The following ZNF711 variants were observed in gnomAD, a reference collection of about 807,000 sequenced individuals.
The protein encoded by ZNF711 is ZFX family zinc finger ZNF711.
ZNF711 carries 3 observed loss-of-function variants against 43.5 expected under a neutral mutation model. The observed-to-expected ratio is 0.07, with a 90% CI of 0.03 to 0.18. The LOEUF is 0.18. Among genes scored for constraint, ZNF711 ranks in the 10% least tolerant of loss-of-function variants. ZNF711 has a pLI of 1.00. For missense variants in ZNF711, 412 were observed against 604.0 expected, an observed-to-expected ratio of 0.68 and a Z score of 3.33; for synonymous variants, 209 against 207.7, an observed-to-expected ratio of 1.01 and a Z score of -0.06.
intron 4 of ZNF711, among the ~76,000 whole-genome samples, chrX:85,254,319 A>C (rs1337740471): frequency 1.0e-5 from 1 of 95,304 alleles, no homozygotes; most frequent in African/African-American, 4.5e-5. Context: ...AATACAAAAA[A>C]TTAGGCCGGG....
chrX:85,249,249 G>A (rs1466097082), intron 4 of ZNF711, among the ~76,000 whole-genome samples: 2 of 112,012 alleles, frequency 1.8e-5, no homozygotes, highest in Non-Finnish European at 3.8e-5. Context: ...GAATTCTTTA[G>A]TAGAGAGTTG....
intron 5 of ZNF711, among the ~76,000 whole-genome samples, chrX:85,259,066 C>T (rs1930412560): frequency 9.0e-6 from 1 of 110,897 alleles, no homozygotes; most frequent in African/African-American, 3.3e-5. Flanking sequence ...TTTGGTCCAT[C>T]TTGGCTAAAT....
At chrX:85,259,456 A>T (rs895104800) in intron 5 of ZNF711, among the ~76,000 whole-genome samples, 1 of 111,473 alleles carries the variant, frequency 9.0e-6, no homozygotes, top group African/African-American at 3.2e-5. Flanking sequence ...GTTTGATAGG[A>T]ATAGCATTGA....
At chrX:85,249,549 T>A (rs1929362428) in intron 4 of ZNF711, among the ~76,000 whole-genome samples, 1 of 111,768 alleles carries the variant, frequency 8.9e-6, no homozygotes, top group African/African-American at 3.2e-5. Flanking sequence ...ATGTTCCTTT[T>A]AACCTTCCTT....
Position 85,271,232 on chromosome X carries a change from T to G in ZNF711, c.1828T>G (p.Cys610Gly). The G allele has an allele frequency of 8.3e-7, 1 of 1,209,392 alleles. No individual in the cohort carries two copies. The highest frequency in any genetic ancestry group is 1.1e-6 in the Non-Finnish European group (1 of 894,392). ...SKHGNNLPYK[C>G]EHCPQAFGDE... is the part of the protein sequence containing the mutation. The stretch of plus-strand genomic sequence containing the variant: ...ACATGGTAACAATTTGCCATATAAA[T>G]GTGAGCATTGTCCCCAAGCATTTGG... Residue 610 changes from cysteine (C) to glycine (G), a missense_variant, in exon 11 of 11, where the codon TGT (cysteine) becomes GGT (glycine). By Grantham distance (159) the Cys-to-Gly change is radical. Coordinates refer to ENST00000674551, the MANE Select transcript of ZNF711 (RefSeq NM_001330574.2).
At position 85,270,986 on chromosome X, in the gene ZNF711, G is replaced by A; in HGVS notation, c.1582G>A (p.Asp528Asn). 1.2e-5 allele frequency: 14 copies of A among 1,211,042 alleles called. No individual in the cohort carries two copies. The highest frequency in any genetic ancestry group is 1.5e-5 in the Non-Finnish European group (13 of 895,168). Residue 528 changes from aspartate (D) to asparagine (N), a missense_variant, in exon 11 of 11, where the codon GAC (aspartate) becomes AAC (asparagine). Physicochemically the swap from Asp to Asn is conservative, Grantham distance 23 (BLOSUM62 1). Transcript: ENST00000674551. ...EPKMHKCKYC[D>N]YETAEQGLLN... is the part of the protein sequence containing the mutation. ...GAAGATGCACAAGTGCAAATACTGTGACTATGAAACTGCAGAACAAGGACT... is the reference window on the plus strand; with the variant it reads ...GAAGATGCACAAGTGCAAATACTGTAACTATGAAACTGCAGAACAAGGACT...
At chrX:85,264,169 G>A (rs1194486124) in intron 5 of ZNF711, 106 bp from the exon 6 acceptor site, 6 of 609,851 alleles carry the variant, frequency 9.8e-6, no homozygotes, top group South Asian at 2.6e-5. Flanking sequence ...ATTATTTCAC[G>A]TTACACTTCA....
Position 85,270,890 on chromosome X carries a change from G to A in ZNF711, c.1486G>A (p.Glu496Lys), listed in dbSNP as rs1205941493. The change falls in exon 11 of 11, where the codon GAA becomes AAA. Residue 496 changes from glutamate to lysine, a missense_variant. Glu to Lys is a moderately conservative substitution (Grantham distance 56). This residue lies in a region of ZNF711 where 375 missense variants were observed against 514.2 expected (regional missense o/e 0.73). Coordinates refer to ENST00000674551, the MANE Select transcript of ZNF711 (RefSeq NM_001330574.2). ...NKVDKTHEFT[E>K]YTRRYREASP... ...AGTCGACAAAACCCATGAATTTACA[G>A]AATACACACGAAGATACAGAGAGGC... The A allele has an allele frequency of 8.3e-7, 1 of 1,209,704 alleles. No individual in the cohort carries two copies. The highest frequency in any genetic ancestry group is 1.8e-5 in the South Asian group (1 of 56,739).
In ZNF711 at chrX:85,244,078, C is replaced by T; in HGVS notation, c.-519C>T. The T allele has an allele frequency of 7.0e-6, 1 of 143,009 alleles. No homozygotes were observed. Among genetic ancestry groups the T allele is most frequent in the Non-Finnish European group, 1.3e-5 (1 of 74,538 alleles). The allele number at this position is 143,009 out of a possible 1,213,427, so 11.8% of individuals were successfully genotyped here. ...CTTAAGGGATCCACAGCTGCCGCCC[C>T]CCGCAGCCATCCAGAGCGCGGTCAC... On this transcript the variant is annotated 5_prime_UTR_variant, in exon 1 of 11. Transcript: ENST00000674551.
chrX:85,247,296 C>T, intron 3 of ZNF711, 108 bp downstream of exon 3: 1 of 321,613 alleles, frequency 3.1e-6, no homozygotes, highest in Non-Finnish European at 5.4e-6. Flanking sequence ...TTTCTTCTAC[C>T]ACTTCCCTAT....
Position 85,272,713 on chromosome X carries a change from G to T in ZNF711, c.*885G>T, listed in dbSNP as rs895709668. ...TAGGACAGTCTTAGCAAGTATGATTGTTCTAGTCTTACTTGCTCTAATGTT... is the reference window on the plus strand; with the variant it reads ...TAGGACAGTCTTAGCAAGTATGATTTTTCTAGTCTTACTTGCTCTAATGTT... On this transcript the variant is annotated 3_prime_UTR_variant, in exon 11 of 11. Transcript: ENST00000674551. 9.0e-6 allele frequency: 1 copy of T among 111,628 alleles called. No individual in the cohort carries two copies. Among genetic ancestry groups the T allele is most frequent in the Non-Finnish European group, 1.9e-5 (1 of 52,894 alleles). 9.2% of individuals were successfully genotyped at this position (111,628 alleles called of 1,213,427 possible).
chrX:85,248,566 A>G (rs1396670203), intron 4 of ZNF711, among the ~76,000 whole-genome samples: 1 of 110,052 alleles, frequency 9.1e-6, no homozygotes, highest in Non-Finnish European at 1.9e-5. Context: ...GAGGATGCCA[A>G]GACTCCATTG....
Position 85,264,283 on chromosome X carries a change from G to A in ZNF711, c.631G>A (p.Val211Ile), listed in dbSNP as rs1380266314. ...EDYLMISLDD[V>I]GEKLEHMGNT... ...TTGTTTATATTTTATAGTGGATGAT[G>A]TTGGAGAAAAATTAGAGCATATGGG... The change falls in exon 6 of 11, where the codon GTT becomes ATT. Residue 211 changes from valine (V) to isoleucine (I), a missense_variant. Around this residue, in one of 4 missense-constraint regions of ZNF711, gnomAD observed 375 missense variants for 514.2 expected, o/e 0.73. Coordinates refer to ENST00000674551, the MANE Select transcript of ZNF711 (RefSeq NM_001330574.2). 3 of 1,197,266 alleles carry A rather than the reference G, an allele frequency of 2.5e-6. No individual in the cohort carries two copies. In the African/African-American group the frequency reaches 5.3e-5, roughly 21 times the overall value.
At chrX:85,251,669 C>T (rs1332404147) in intron 4 of ZNF711, among the ~76,000 whole-genome samples, 2 of 110,951 alleles carry the variant, frequency 1.8e-5, no homozygotes, top group Admixed American at 1.9e-4. Context: ...GAATTATTAA[C>T]GCAATTTAAT....
chrX:85,268,415 A>C, intron 9 of ZNF711, 74 bp downstream of exon 9: 1 of 1,104,756 alleles, frequency 9.1e-7, no homozygotes, highest in Non-Finnish European at 1.2e-6. Flanking sequence ...GTAAGTAACA[A>C]GTTTGTGTCT....
intron 4 of ZNF711, among the ~76,000 whole-genome samples, chrX:85,252,018 G>A (rs1648471157): frequency 8.9e-6 from 1 of 111,783 alleles, no homozygotes; most frequent in Non-Finnish European, 1.9e-5. Flanking sequence ...GTATTAGCAG[G>A]TTGCTTGTTG....
chrX:85,272,636 T>C lies in ZNF711; in HGVS notation c.*808T>C, dbSNP rs1474882920. On this transcript the variant is annotated 3_prime_UTR_variant, in exon 11 of 11. Transcript: ENST00000674551. The stretch of plus-strand genomic sequence containing the variant: ...ACTATATTTCTTAATGATCTAAAGA[T>C]TAATTTGAGAGAACACAGTTTTCTT... 1.8e-5 allele frequency: 2 copies of C among 112,214 alleles called. No homozygotes were observed. Among genetic ancestry groups the C allele is most frequent in the Admixed American group, 9.5e-5 (1 of 10,553 alleles). The allele number at this position is 112,214 out of a possible 1,213,427, so 9.2% of individuals were successfully genotyped here. A position where few individuals can be genotyped will look rare whatever the true frequency, so the allele number is the denominator to read the frequency against.
At position 85,271,592 on chromosome X, in the gene ZNF711, G is replaced by T. The variant is rs199631509; in HGVS notation, c.2188G>T (p.Gly730Ter). 8.3e-7 allele frequency: 1 copy of T among 1,208,943 alleles called. No individual in the cohort carries two copies. The highest frequency in any genetic ancestry group is 3.0e-5 in the East Asian group (1 of 33,685). ...QPLKCKRCKR[G>*]FRQQNELKKH... is the part of the protein sequence containing the mutation. The stretch of plus-strand genomic sequence containing the variant: ...ATTGAAATGTAAAAGGTGCAAGAGA[G>T]GATTCAGACAACAAAATGAGCTAAA... The change falls in exon 11 of 11, where the codon GGA becomes TGA. Residue 730 changes from glycine to a stop codon, truncating the protein, a stop_gained. Coordinates refer to ENST00000674551, the MANE Select transcript of ZNF711 (RefSeq NM_001330574.2). LOFTEE classifies it high-confidence loss of function.
At chrX:85,265,004 A>G (rs1569268243) in intron 6 of ZNF711, 114 bp from the exon 7 acceptor site, 5 of 714,601 alleles carry the variant, frequency 7.0e-6, no homozygotes, top group Non-Finnish European at 1.0e-5. Context: ...GCACTTTGAA[A>G]TTTATTTTGG....
Sources: gnomAD v4.1 joint callset for allele counts (sites outside exome capture counted in the v4.1 genomes callset) on GRCh38, gnomAD v4.1.1 for gene constraint, gnomAD v4.1.1 regional missense constraint, MANE v1.5 for transcripts, NCBI Gene and HGNC (gene_info 2026-07-23, HGNC 2026-07-21) for gene names.